Variants in USP18 observed in about 807,000 individuals in gnomAD.
The protein encoded by USP18 is ubiquitin specific peptidase 18.
A neutral mutation model predicts 48.7 loss-of-function variants in USP18; 11 were observed. That is an observed-to-expected ratio of 0.23 (90% confidence interval 0.14 to 0.37). The LOEUF (loss-of-function observed/expected upper bound fraction) is 0.37, where lower values mean the gene tolerates loss of function less well. Among genes scored for constraint, USP18 ranks in the 10% least tolerant of loss-of-function variants. The probability of loss-of-function intolerance (pLI) is 1.00; values close to 1 mark genes in which losing one functional copy is unlikely to be tolerated. For missense variants in USP18, 285 were observed against 436.4 expected, an observed-to-expected ratio of 0.65 and a Z score of 3.09; for synonymous variants, 114 against 163.2, an observed-to-expected ratio of 0.70 and a Z score of 2.30.
intron 4 of USP18, among the ~76,000 whole-genome samples, chr22:18,165,517 T>G (rs1258180355): frequency 9.6e-6 from 1 of 103,784 alleles, no homozygotes; most frequent in East Asian, 2.9e-4. Flanking sequence ...ACCGCGGCCG[T>G]GTTTCCTGTT....
intron 4 of USP18, among the ~76,000 whole-genome samples, chr22:18,166,368 C>G (rs2123736596): frequency 6.6e-6 from 1 of 152,160 alleles, no homozygotes; most frequent in Non-Finnish European, 1.5e-5. Context: ...ACATGGTTTT[C>G]TTTAGTTCTT....
intron 2 of USP18, among the ~76,000 whole-genome samples, chr22:18,159,068 G>A (rs1326484386): frequency 6.6e-6 from 1 of 152,064 alleles, no homozygotes; most frequent in African/African-American, 2.4e-5. Context: ...TTGTGTGTGT[G>A]TGTGTGAGAT....
chr22:18,152,123 G>A (rs1245504185), intron 1 of USP18, among the ~76,000 whole-genome samples: 1 of 152,156 alleles, frequency 6.6e-6, no homozygotes, highest in Non-Finnish European at 1.5e-5. Context: ...TCGAGACTGC[G>A]GTCTACAATT....
chr22:18,174,959 G>T (rs1330538847), intron 10 of USP18, among the ~76,000 whole-genome samples: 1 of 152,120 alleles, frequency 6.6e-6, no homozygotes, highest in Non-Finnish European at 1.5e-5. Flanking sequence ...TGTCACCCAG[G>T]CTGGAGTGCA....
intron 8 of USP18, among the ~76,000 whole-genome samples, chr22:18,172,863 C>T (rs1929671719): frequency 6.7e-6 from 1 of 150,072 alleles, no homozygotes; most frequent in Non-Finnish European, 1.5e-5. Context: ...CTGATGATCC[C>T]CACCCCTCCC....
intron 1 of USP18, among the ~76,000 whole-genome samples, chr22:18,156,168 A>G (rs1200826739): frequency 1.3e-5 from 2 of 152,068 alleles, no homozygotes; most frequent in Non-Finnish European, 2.9e-5. Flanking sequence ...TAGCTAATCT[A>G]GTGGGGACGT....
At chr22:18,168,247 G>A (rs1602529359) in intron 6 of USP18, among the ~76,000 whole-genome samples, 1 of 152,242 alleles carries the variant, frequency 6.6e-6, no homozygotes, top group Non-Finnish European at 1.5e-5. Flanking sequence ...ACATGGCGAG[G>A]GGGCTGAGCA....
intron 5 of USP18, 61 bp downstream of exon 5, chr22:18,167,395 CT>C (rs1929503083): frequency 6.3e-7 from 1 of 1,591,600 alleles, no homozygotes. Flanking sequence ...ACTCATTCAG[CT>C]GTTGTTCCCG....
chr22:18,168,114 C>T, intron 6 of USP18, 78 bp downstream of exon 6: 1 of 1,574,632 alleles, frequency 6.4e-7, no homozygotes, highest in East Asian at 2.3e-5. Flanking sequence ...ATATCTGAGA[C>T]TAGGTAATTT....
chr22:18,168,832 T>C (rs1460936889), intron 6 of USP18, among the ~76,000 whole-genome samples: 2 of 152,206 alleles, frequency 1.3e-5, no homozygotes, highest in African/African-American at 4.8e-5. Flanking sequence ...GATCTATCTC[T>C]GGCTTCTGGA....
In USP18 at chr22:18,160,180, G is replaced by C. The variant is rs1426857351; in HGVS notation, c.166G>C (p.Gly56Arg). 6.2e-7 allele frequency: 1 copy of C among 1,614,098 alleles called. No individual in the cohort carries two copies. The change falls in exon 3 of 11, where the codon GGT (glycine) becomes CGT (arginine). Residue 56 changes from glycine (G) to arginine (R), a missense_variant. Gly to Arg is a moderately radical substitution (Grantham distance 125). Transcript: ENST00000215794. ...TTCTCTTCCCCTTATAGGCCTGGTT[G>C]GTTTACACAACATTGGACAGACCTG... ...RAWDYPHGLV[G>R]LHNIGQTCCL...
chr22:18,162,867 T>C (rs1443557683), intron 4 of USP18, among the ~76,000 whole-genome samples: 16 of 151,836 alleles, frequency 1.1e-4, no homozygotes, highest in Non-Finnish European at 1.9e-4. Context: ...TTGGATAAGC[T>C]TTCCATCTCT....
At chr22:18,176,106 C>G (rs1331481123) in intron 10 of USP18, among the ~76,000 whole-genome samples, 3 of 111,194 alleles carry the variant, frequency 2.7e-5, no homozygotes, top group African/African-American at 1.2e-4. Context: ...CACGGTGAAA[C>G]CCTGTCTCTA....
In USP18 at chr22:18,173,824, G is replaced by C; in HGVS notation, c.1055G>C (p.Gly352Ala). 1 of 1,604,760 alleles carries C rather than the reference G, an allele frequency of 6.2e-7. No individual in the cohort carries two copies. The highest frequency in any genetic ancestry group is 8.5e-7 in the Non-Finnish European group (1 of 1,172,846). ...TGGGAAGACATCCAGTGTACCTACGGAAATCCTAACTACCACTGGTAAGAA... is the reference window on the plus strand; with the variant it reads ...TGGGAAGACATCCAGTGTACCTACGCAAATCCTAACTACCACTGGTAAGAA... ...VSWEDIQCTY[G>A]NPNYHWQETA... The change falls in exon 10 of 11, where the codon GGA (glycine) becomes GCA (alanine). Residue 352 changes from glycine (G) to alanine (A), a missense_variant. Gly to Ala is a moderately conservative substitution (Grantham distance 60). Coordinates refer to ENST00000215794, the MANE Select transcript of USP18 (RefSeq NM_017414.4).
intron 4 of USP18, among the ~76,000 whole-genome samples, chr22:18,166,175 G>T (rs1929473092): frequency 6.6e-6 from 1 of 152,156 alleles, no homozygotes; most frequent in Non-Finnish European, 1.5e-5. Context: ...CTAGCTCCAG[G>T]TTTATGGATT....
intron 6 of USP18, among the ~76,000 whole-genome samples, chr22:18,168,464 T>G (rs961761311): frequency 5.3e-5 from 8 of 149,854 alleles, no homozygotes; most frequent in Non-Finnish European, 1.2e-4. Flanking sequence ...TGGCACAATC[T>G]CAGCTCACTG....
chr22:18,157,789 A>T lies in USP18; in HGVS notation c.126A>T (p.Arg42Ser). Residue 42 changes from arginine to serine, a missense_variant, in exon 2 of 11, where the codon AGA becomes AGT. By Grantham distance (110) the Arg-to-Ser change is moderately radical. This residue lies in a region of USP18 where 199 missense variants were observed against 239.6 expected (regional missense o/e 0.83). Coordinates refer to ENST00000215794, the MANE Select transcript of USP18 (RefSeq NM_017414.4). ...GCAACATGAAGAGAGAGCAGCCCAG[A>T]GAGCGTCCCAGGGCCTGGGACTACC... ...EDSNMKREQPRERPRAWDYPH... is the reference protein window; with the variant it reads ...EDSNMKREQPSERPRAWDYPH... 6.2e-7 allele frequency: 1 copy of T among 1,614,140 alleles called. No homozygotes were observed. The highest frequency in any genetic ancestry group is 8.5e-7 in the Non-Finnish European group (1 of 1,180,010).
chr22:18,156,412 G>T (rs1929141063), intron 1 of USP18, among the ~76,000 whole-genome samples: 2 of 152,194 alleles, frequency 1.3e-5, no homozygotes, highest in South Asian at 4.1e-4. Flanking sequence ...ATTCTTTGCA[G>T]TAAGTCTTGC....
intron 2 of USP18, among the ~76,000 whole-genome samples, chr22:18,158,225 T>G (rs1038133767): frequency 1.2e-4 from 18 of 152,074 alleles, no homozygotes; most frequent in African/African-American, 4.1e-4. Context: ...GCGGCAGAGG[T>G]TGCAGTGAGC....
Sources: allele counts gnomAD v4.1 joint callset (sites outside exome capture counted in the v4.1 genomes callset), GRCh38; gene constraint gnomAD v4.1.1; regional missense constraint gnomAD v4.1.1; transcripts MANE v1.5; gene names NCBI Gene and HGNC (gene_info 2026-07-23, HGNC 2026-07-21).